DNAJC2: variants seen among roughly 807,000 people sequenced by gnomAD.
DNAJC2 encodes the protein dnaJ homolog subfamily C member 2.
Under a neutral mutation model 94.0 loss-of-function variants are expected in DNAJC2, and 32 were observed. The ratio of observed to expected loss-of-function variants is 0.34; its 90% CI spans 0.26 to 0.46. The LOEUF (loss-of-function observed/expected upper bound fraction) is 0.46, where lower values mean the gene tolerates loss of function less well. Among genes scored for constraint, DNAJC2 ranks in the 20% least tolerant of loss-of-function variants. The pLI, the probability that DNAJC2 is intolerant of heterozygous loss-of-function variation, is 1.00. For synonymous variants in DNAJC2, 210 were observed against 229.7 expected, an observed-to-expected ratio of 0.91 and a Z score of 0.77; for missense variants, 550 against 719.5, an observed-to-expected ratio of 0.76 and a Z score of 2.69.
chr7:103,329,799 A>G (rs1351816211), intron 3 of DNAJC2, among the ~76,000 whole-genome samples: 1 of 152,140 alleles, frequency 6.6e-6, no homozygotes, highest in Admixed American at 6.5e-5. Context: ...AAAACTGTGT[A>G]ATTTTTGCTT....
chr7:103,312,474 T>C lies in DNAJC2; in HGVS notation c.*95A>G, dbSNP rs1817799492. On this transcript the variant is annotated 3_prime_UTR_variant, in exon 17 of 17. Coordinates refer to ENST00000379263, the MANE Select transcript of DNAJC2 (RefSeq NM_014377.3). Reference sequence around the variant, plus strand: ...CTGAGAAATTATGTTGGAAGCAGCATACTTTCAAATTATTACCATGAGTAT... The same window carrying C: ...CTGAGAAATTATGTTGGAAGCAGCACACTTTCAAATTATTACCATGAGTAT... The C allele has an allele frequency of 1.3e-6, 2 of 1,552,544 alleles. No individual in the cohort carries two copies. The highest frequency in any genetic ancestry group is 2.0e-5 in the Admixed American group (1 of 50,712).
chr7:103,324,244 T>C lies in DNAJC2; in HGVS notation c.653+238A>G, dbSNP rs745945851. Among the ~76,000 whole-genome samples, 10 of 152,324 alleles carry C rather than the reference T, an allele frequency of 6.6e-5. No individual in the cohort carries two copies. In the South Asian group the frequency reaches 1.5e-3, roughly 22 times the overall value. ...AAGTAACTAAATAAAAATGTACTTATTTTTATTCAAATGACTCCCCAATTT... is the reference window on the plus strand; with the variant it reads ...AAGTAACTAAATAAAAATGTACTTACTTTTATTCAAATGACTCCCCAATTT... On this transcript the variant is annotated intron_variant, in intron 6 of 16. Coordinates refer to ENST00000379263, the MANE Select transcript of DNAJC2 (RefSeq NM_014377.3).
chr7:103,322,637 C>T lies in DNAJC2; in HGVS notation c.812-5G>A. 2.5e-6 allele frequency: 4 copies of T among 1,612,922 alleles called. No homozygotes were observed. The highest frequency in any genetic ancestry group is 2.5e-6 in the Non-Finnish European group (3 of 1,179,722). ...GATCACAGCTGTATGCATTGTCTAG[C>T]AAAAGAAAAAGTTAATCTCATTTTG... On this transcript the variant is annotated splice_polypyrimidine_tract_variant and splice_region_variant and intron_variant, in intron 8 of 16. Coordinates refer to ENST00000379263, the MANE Select transcript of DNAJC2 (RefSeq NM_014377.3).
intron 4 of DNAJC2, 140 bp from the exon 5 acceptor site, chr7:103,326,824 T>A: frequency 4.0e-6 from 3 of 755,934 alleles, no homozygotes; most frequent in Non-Finnish European, 4.1e-6. Context: ...GGGGAGGATT[T>A]AATTTAGGTA....
In DNAJC2 at chr7:103,312,561, A is replaced by C. The variant is rs759811461; in HGVS notation, c.*8T>G. On this transcript the variant is annotated 3_prime_UTR_variant, in exon 17 of 17. Coordinates refer to ENST00000379263, the MANE Select transcript of DNAJC2 (RefSeq NM_014377.3). The stretch of plus-strand genomic sequence containing the variant: ...TTTATTATAAAAATGCACACACAAC[A>C]AAGATTGTCATTTCTTGGCTCTACT... 43 of 1,610,036 alleles carry C rather than the reference A, an allele frequency of 2.7e-5. No individual in the cohort carries two copies. The highest frequency in any genetic ancestry group is 3.5e-5 in the Non-Finnish European group (41 of 1,178,978).
chr7:103,341,938 T>G lies in DNAJC2; in HGVS notation c.81A>C (p.Gln27His), dbSNP rs766686369. ...CAAACCATCTTCCCACAGGTTCAAC[T>G]TGACAGAGTGTAGAGGCTGTGATTG... ...HALTSASTLC[Q>H]VEPVGRWFEA... is the part of the protein sequence containing the mutation. The change falls in exon 2 of 17, where the codon CAA becomes CAC. Residue 27 changes from glutamine to histidine, a missense_variant. Around this residue, in one of 2 missense-constraint regions of DNAJC2, gnomAD observed 279 missense variants for 416.9 expected, o/e 0.67. Coordinates refer to ENST00000379263, the MANE Select transcript of DNAJC2 (RefSeq NM_014377.3). 3.7e-6 allele frequency: 6 copies of G among 1,604,340 alleles called. No homozygotes were observed. Among genetic ancestry groups the G allele is most frequent in the Non-Finnish European group, 5.1e-6 (6 of 1,176,252 alleles).
chr7:103,330,828 C>A (rs1019491103), intron 3 of DNAJC2, among the ~76,000 whole-genome samples: 2 of 151,694 alleles, frequency 1.3e-5, no homozygotes, highest in Admixed American at 6.6e-5. Flanking sequence ...GCGATCCTCC[C>A]ACCCTGGCCT....
At chr7:103,329,236 T>C (rs1229667297) in intron 3 of DNAJC2, 2 of 234,950 alleles carry the variant, frequency 8.5e-6, no homozygotes, top group East Asian at 1.5e-4. Flanking sequence ...CCAGTTAATC[T>C]TCTCCATGAT....
rs1187782430 is a variant in DNAJC2 at position 103,315,752 on chromosome 7, A to G, written c.1636+12T>C. The G allele has an allele frequency of 3.1e-6, 5 of 1,606,268 alleles. No individual in the cohort carries two copies. Among genetic ancestry groups the G allele is most frequent in the Non-Finnish European group, 4.3e-6 (5 of 1,173,248 alleles). On this transcript the variant is annotated intron_variant, in intron 15 of 16. Coordinates refer to ENST00000379263, the MANE Select transcript of DNAJC2 (RefSeq NM_014377.3). ...GGCTAGCATTTTCTACGTTTAGAAA[A>G]GCAAAATTTACCTTCAAATCGTTCT...
At chr7:103,321,846 T>TA in intron 10 of DNAJC2, 86 bp downstream of exon 10, 1 of 1,484,948 alleles carries the variant, frequency 6.7e-7, no homozygotes, top group South Asian at 1.3e-5. Flanking sequence ...AGACCCCATC[T>TA]AAAAAACAAA....
intron 10 of DNAJC2, chr7:103,320,833 T>G: frequency 6.8e-6 from 1 of 147,994 alleles, no homozygotes. Context: ...AGCATGTCTT[T>G]TTTTTTTTTT....
intron 2 of DNAJC2, among the ~76,000 whole-genome samples, chr7:103,339,985 T>C (rs1450363302): frequency 6.6e-6 from 1 of 152,168 alleles, no homozygotes; most frequent in African/African-American, 2.4e-5. Context: ...ATTACAGGCA[T>C]GTGCCACCAC....
intron 1 of DNAJC2, among the ~76,000 whole-genome samples, chr7:103,342,193 A>C (rs916588962): frequency 1.3e-5 from 2 of 152,262 alleles, no homozygotes; most frequent in African/African-American, 4.8e-5. Context: ...CAAAACAAAA[A>C]AAACTCAGTA....
Position 103,344,571 on chromosome 7 carries a change from C to A in DNAJC2, c.52G>T (p.Ala18Ser). ...GGTGGGCACTTACCAGAGGTCAGAG[C>A]GTGGGTGATGGCGGTGCCCCGGCCG... ...ADGRGTAITH[A>S]LTSASTLCQV... Residue 18 changes from alanine to serine, a missense_variant, in exon 1 of 17, where the codon GCT (alanine) becomes TCT (serine). Around this residue, in one of 2 missense-constraint regions of DNAJC2, gnomAD observed 279 missense variants for 416.9 expected, o/e 0.67. Coordinates refer to ENST00000379263, the MANE Select transcript of DNAJC2 (RefSeq NM_014377.3). The A allele has an allele frequency of 6.2e-7, 1 of 1,613,622 alleles. No homozygotes were observed.
At chr7:103,326,710 A>C in intron 4 of DNAJC2, 26 bp from the exon 5 acceptor site, 1 of 1,591,726 alleles carries the variant, frequency 6.3e-7, no homozygotes, top group Non-Finnish European at 8.5e-7. Context: ...TTAAGATCAC[A>C]TCACCATAAC....
chr7:103,317,100 C>T (rs1411703809), intron 12 of DNAJC2, 86 bp from the exon 13 acceptor site: 1 of 1,184,986 alleles, frequency 8.4e-7, no homozygotes, highest in East Asian at 2.3e-5. Flanking sequence ...TTGTGGTCCT[C>T]AACTCTCAAT....
At chr7:103,339,474 T>G (rs1819297383) in intron 2 of DNAJC2, among the ~76,000 whole-genome samples, 1 of 152,222 alleles carries the variant, frequency 6.6e-6, no homozygotes, top group Non-Finnish European at 1.5e-5. Flanking sequence ...GAAAGAGTAC[T>G]TTACACTTTG....
At chr7:103,325,969 G>T (rs1036737086) in intron 5 of DNAJC2, among the ~76,000 whole-genome samples, 1 of 152,106 alleles carries the variant, frequency 6.6e-6, no homozygotes, top group African/African-American at 2.4e-5. Flanking sequence ...CACTATAAAA[G>T]TCAGATACTG....
At chr7:103,335,153 A>AT (rs1819120301) in intron 3 of DNAJC2, 3 of 152,060 alleles carry the variant, frequency 2.0e-5, no homozygotes, top group Non-Finnish European at 4.4e-5. Context: ...CACTTAATTA[A>AT]TTTTCATTAC....
Sources: gnomAD v4.1 joint callset for allele counts (sites outside exome capture counted in the v4.1 genomes callset) on GRCh38, gnomAD v4.1.1 for gene constraint, gnomAD v4.1.1 regional missense constraint, MANE v1.5 for transcripts, NCBI Gene and HGNC (gene_info 2026-07-23, HGNC 2026-07-21) for gene names.